The following NEB variants were observed in gnomAD, a reference collection of about 807,000 sequenced individuals.
NEB encodes nebulin.
In NEB, 512 loss-of-function variants were observed where a neutral mutation model predicts 952.2. The observed-to-expected ratio is 0.54, with a 90% CI of 0.50 to 0.58. The LOEUF (loss-of-function observed/expected upper bound fraction) is 0.58. Among genes scored for constraint, NEB ranks in the 20% least tolerant of loss-of-function variants. The pLI is 0.00. For missense variants in NEB, 8,428 were observed against 9,231.1 expected (o/e 0.91, Z 3.56); for synonymous variants, 2,900 against 3,149.8 (o/e 0.92, Z 2.66).
intron 167 of NEB, among the ~76,000 whole-genome samples, chr2:151,502,418 T>C (rs7419956): frequency 0.64 from 97,023 of 151,204 alleles, 31,441 homozygotes; most frequent in East Asian, 0.77. Context: ...GCTGCAAACA[T>C]AAAGAATACA....
intron 20 of NEB, among the ~76,000 whole-genome samples, chr2:151,693,632 T>A (rs941635486): frequency 2.6e-5 from 4 of 152,220 alleles, no homozygotes; most frequent in Non-Finnish European, 5.9e-5. Flanking sequence ...TTCCATGGTC[T>A]ATCTGTACCA....
chr2:151,500,079 A>G (rs1281052737), intron 168 of NEB, among the ~76,000 whole-genome samples: 1 of 152,240 alleles, frequency 6.6e-6, no homozygotes, highest in East Asian at 1.9e-4. Context: ...AAGCCTTTCA[A>G]TAAAAGGAAT....
rs1381962178 is a variant in NEB, at chr2:151,552,534, A to G, written c.19836+138T>C. On this transcript the variant is annotated intron_variant, in intron 128 of 181. Coordinates refer to ENST00000397345, the MANE Select transcript of NEB (RefSeq NM_001164508.2). ...GGAAACAATAGCCAGCAGCATCTTCAGTGCTTTCAAACGCACCAACTCTGG... is the reference window on the plus strand; with the variant it reads ...GGAAACAATAGCCAGCAGCATCTTCGGTGCTTTCAAACGCACCAACTCTGG... 1.2e-5 allele frequency: 7 copies of G among 606,258 alleles called. No homozygotes were observed. In the South Asian group the frequency reaches 1.3e-4, roughly 11 times the overall value. The allele number at this position is 606,258 out of a possible 1,614,324, so 37.6% of individuals were successfully genotyped here. A position where few individuals can be genotyped will look rare whatever the true frequency, so the allele number is the denominator to read the frequency against.
intron 36 of NEB, 53 bp downstream of exon 36, chr2:151,674,424 G>T: frequency 1.5e-6 from 2 of 1,315,588 alleles, no homozygotes; most frequent in South Asian, 1.2e-5. Flanking sequence ...ACAAGCATTT[G>T]ATTACTTTTC....
intron 161 of NEB, among the ~76,000 whole-genome samples, chr2:151,511,405 G>A (rs2074202178): frequency 6.6e-6 from 1 of 152,126 alleles, no homozygotes; most frequent in Non-Finnish European, 1.5e-5. Flanking sequence ...TATGTTTCCA[G>A]TAAAGGGTTG....
At chr2:151,707,819 T>G (rs2099719684) in intron 12 of NEB, among the ~76,000 whole-genome samples, 1 of 152,112 alleles carries the variant, frequency 6.6e-6, no homozygotes, top group Non-Finnish European at 1.5e-5. Context: ...ATCAGCTTGG[T>G]ATCCAAAGGC....
intron 71 of NEB, among the ~76,000 whole-genome samples, chr2:151,621,291 T>A (rs1383940857): frequency 6.6e-6 from 1 of 152,200 alleles, no homozygotes; most frequent in Non-Finnish European, 1.5e-5. Flanking sequence ...CCTCTTAATG[T>A]GTTTAGATTG....
intron 63 of NEB, among the ~76,000 whole-genome samples, chr2:151,637,768 A>G (rs922675886): frequency 1.3e-5 from 2 of 152,252 alleles, no homozygotes; most frequent in Non-Finnish European, 2.9e-5. Flanking sequence ...GACCTATATT[A>G]TAGGTTTGGC....
intron 29 of NEB, among the ~76,000 whole-genome samples, chr2:151,682,305 T>C (rs76819780): frequency 0.014 from 2,069 of 152,308 alleles, 53 homozygotes; most frequent in East Asian, 0.12. Context: ...TTAAAACTTG[T>C]CAAAGTGTAC....
At chr2:151,674,607 T>C in intron 35 of NEB, 23 bp from the exon 36 acceptor site, 3 of 1,509,814 alleles carry the variant, frequency 2.0e-6, no homozygotes, top group Non-Finnish European at 1.8e-6. Context: ...GCAAACAGAA[T>C]GTCAGCATCT....
chr2:151,634,861 G>T (rs1393993403), intron 64 of NEB, among the ~76,000 whole-genome samples: 1 of 152,104 alleles, frequency 6.6e-6, no homozygotes, highest in African/African-American at 2.4e-5. Context: ...TCTTAATAAG[G>T]TCATGGGTTC....
Position 151,724,839 on chromosome 2 carries a change from T to C in NEB, c.507+18A>G. 6.3e-7 allele frequency: 1 copy of C among 1,598,290 alleles called. No homozygotes were observed. Among genetic ancestry groups the C allele is most frequent in the Non-Finnish European group, 8.6e-7 (1 of 1,167,222 alleles). ...CACATGCTACTGAGTACCCCAGCCA[T>C]CCATATCATTGCCTTACCTTACTGA... is the stretch of plus-strand genomic sequence containing the variant. On this transcript the variant is annotated intron_variant, in intron 7 of 181. Transcript: ENST00000397345.
At position 151,561,214 on chromosome 2, in the gene NEB, G is replaced by A. The variant is rs1354186740; in HGVS notation, c.19095C>T (p.Ala6365=). ...YVTAVQSGIN[A]SEVKYKENYH... Reference sequence around the variant, plus strand: ...GGAGTACAGGAAGACGCACCTCACTGGCATTAATGCCACTCTGAACAGCAG... The same window carrying A: ...GGAGTACAGGAAGACGCACCTCACTAGCATTAATGCCACTCTGAACAGCAG... The change falls in exon 122 of 182, where the codon GCC becomes GCT. Residue 6365 remains alanine, a synonymous_variant. Transcript: ENST00000397345. The A allele has an allele frequency of 6.2e-7, 1 of 1,605,842 alleles. No individual in the cohort carries two copies. The highest frequency in any genetic ancestry group is 8.5e-7 in the Non-Finnish European group (1 of 1,175,176).
chr2:151,612,618 C>T (rs2098028622), intron 77 of NEB, among the ~76,000 whole-genome samples: 1 of 152,130 alleles, frequency 6.6e-6, no homozygotes, highest in South Asian at 2.1e-4. Flanking sequence ...CTCTTTAATG[C>T]TATTCATTTT....
rs2057118708 is a variant in NEB, at chr2:151,492,118, T to C, written c.25037A>G (p.Gln8346Arg). ...VVEMEQKRND[Q>R]DQETITGLRV... ...GTTACCTGTAATAGTCTCCTGATCT[T>C]GGTCATTCCGTTTTTGTTCCATTTC... is the stretch of plus-strand genomic sequence containing the variant. Residue 8346 changes from glutamine (Q) to arginine (R), a missense_variant, in exon 178 of 182, where the codon CAA becomes CGA. Gln to Arg is a conservative substitution (Grantham distance 43). Transcript: ENST00000397345. 6.2e-7 allele frequency: 1 copy of C among 1,613,954 alleles called. No individual in the cohort carries two copies. Among genetic ancestry groups the C allele is most frequent in the Non-Finnish European group, 8.5e-7 (1 of 1,179,868 alleles).
intron 50 of NEB, 69 bp downstream of exon 50, chr2:151,655,748 A>C: frequency 6.5e-7 from 1 of 1,530,336 alleles, no homozygotes; most frequent in East Asian, 2.3e-5. Flanking sequence ...AGATTTCTCC[A>C]AACAAGAACC....
chr2:151,729,772 G>A (rs2099801289), intron 3 of NEB, 116 bp from the exon 4 acceptor site: 1 of 1,062,244 alleles, frequency 9.4e-7, no homozygotes, highest in East Asian at 2.4e-5. Flanking sequence ...GAATGTCTGT[G>A]GGAAAGGGGT....
At chr2:151,687,379 G>T (rs780514619) in intron 27 of NEB, 40 bp downstream of exon 27, 1 of 1,535,398 alleles carries the variant, frequency 6.5e-7, no homozygotes, top group Non-Finnish European at 9.0e-7. Flanking sequence ...GTAACAGGGA[G>T]TCCATCTTGA....
At chr2:151,555,802 A>G (rs2095612890) in intron 124 of NEB, among the ~76,000 whole-genome samples, 2 of 152,130 alleles carry the variant, frequency 1.3e-5, no homozygotes, top group South Asian at 4.1e-4. Context: ...TTTTTCCAAA[A>G]CAGAAAATCA....
Sources: gnomAD v4.1 joint callset for allele counts (sites outside exome capture counted in the v4.1 genomes callset) on GRCh38, gnomAD v4.1.1 for gene constraint, MANE v1.5 for transcripts, NCBI Gene and HGNC (gene_info 2026-07-23, HGNC 2026-07-21) for gene names.